GRID2: variants seen among roughly 807,000 people sequenced by gnomAD.
GRID2 encodes the protein glutamate ionotropic receptor delta type subunit 2.
Under a neutral mutation model 114.8 loss-of-function variants are expected in GRID2, and 33 were observed. The observed-to-expected ratio is 0.29, with a 90% CI of 0.22 to 0.38. The LOEUF is 0.38. Among genes scored for constraint, GRID2 ranks in the 10% least tolerant of loss-of-function variants. The probability of loss-of-function intolerance (pLI) is 1.00; values close to 1 mark genes in which losing one functional copy is unlikely to be tolerated. For missense variants in GRID2, 1,184 were observed against 1,257.7 expected (o/e 0.94, Z 0.89); for synonymous variants, 505 against 449.9 (o/e 1.12, Z -1.55).
At chr4:93,736,345 T>TA (rs5860344) in intron 14 of GRID2, among the ~76,000 whole-genome samples, 18,962 of 152,068 alleles carry the variant, frequency 0.12, 1,520 homozygotes, top group East Asian at 0.4. Context: ...ATCATACTTG[T>TA]AACAACCCCA....
chr4:93,566,725 G>A (rs1257847192), intron 13 of GRID2, among the ~76,000 whole-genome samples: 1 of 151,880 alleles, frequency 6.6e-6, no homozygotes, highest in Non-Finnish European at 1.5e-5. Flanking sequence ...AGCCAAGCTT[G>A]CCCCTCTGCC....
intron 2 of GRID2, among the ~76,000 whole-genome samples, chr4:92,596,869 A>T (rs951381735): frequency 6.6e-6 from 1 of 152,080 alleles, no homozygotes; most frequent in African/African-American, 2.4e-5. Flanking sequence ...AATGGGAGAT[A>T]ACCAAAAAAC....
At chr4:93,722,884 T>G (rs1451363672) in intron 14 of GRID2, among the ~76,000 whole-genome samples, 3 of 152,252 alleles carry the variant, frequency 2.0e-5, no homozygotes, top group Non-Finnish European at 4.4e-5. Context: ...TCAATGTCTC[T>G]TCATTGCCTT....
intron 14 of GRID2, among the ~76,000 whole-genome samples, chr4:93,676,890 C>T (rs546557697): frequency 4.6e-5 from 7 of 152,090 alleles, no homozygotes; most frequent in African/African-American, 9.6e-5. Context: ...TCTGAGGTAC[C>T]GGGTTCATCT....
intron 2 of GRID2, among the ~76,000 whole-genome samples, chr4:92,895,571 C>T (rs1017274299): frequency 6.6e-6 from 1 of 151,586 alleles, no homozygotes; most frequent in Admixed American, 6.6e-5. Flanking sequence ...TACATCTTCA[C>T]AATTTGAGTT....
intron 8 of GRID2, among the ~76,000 whole-genome samples, chr4:93,314,450 A>G (rs555114182): frequency 6.6e-6 from 1 of 151,882 alleles, no homozygotes; most frequent in East Asian, 1.9e-4. Context: ...TTCCTGGATC[A>G]CTCTACTGCA....
chr4:92,415,764 A>G (rs974062609), intron 1 of GRID2, among the ~76,000 whole-genome samples: 13 of 136,522 alleles, frequency 9.5e-5, no homozygotes, highest in African/African-American at 3.0e-4. Context: ...ATATATATAT[A>G]TATATATATA....
chr4:93,330,809 T>C (rs1365741121), intron 8 of GRID2, among the ~76,000 whole-genome samples: 1 of 152,082 alleles, frequency 6.6e-6, no homozygotes, highest in Non-Finnish European at 1.5e-5. Flanking sequence ...TTCAAGTATA[T>C]TTCTTCTCAA....
intron 1 of GRID2, among the ~76,000 whole-genome samples, chr4:92,535,963 T>C (rs1235502854): frequency 6.6e-6 from 1 of 152,094 alleles, no homozygotes; most frequent in Non-Finnish European, 1.5e-5. Context: ...TCAGGAGAGA[T>C]GGTGCAGACC....
intron 11 of GRID2, among the ~76,000 whole-genome samples, chr4:93,489,970 G>T (rs1726823076): frequency 6.6e-6 from 1 of 151,914 alleles, no homozygotes; most frequent in African/African-American, 2.4e-5. Context: ...AAAGTATACT[G>T]TAGATCATAG....
chr4:92,727,625 TTGTGA>T (rs1486120663), intron 2 of GRID2, among the ~76,000 whole-genome samples: 7 of 152,232 alleles, frequency 4.6e-5, no homozygotes, highest in Admixed American at 2.0e-4. Flanking sequence ...ATTAATGATA[TTGTGA>T]TGTGTGTACT....
In GRID2 at chr4:92,644,890, G is replaced by A. The variant is rs527792285; in HGVS notation, c.244+54604G>A. ...TTTATGATTTATGTGCAACAGATAT[G>A]TTATGTAATTATTTCCCTTTATCTC... On this transcript the variant is annotated intron_variant, in intron 2 of 15. Transcript: ENST00000282020. Among the ~76,000 whole-genome samples, 48 of 151,108 alleles carry A rather than the reference G, an allele frequency of 3.2e-4. No individual in the cohort carries two copies. The South Asian group carries it at 3.3e-3, about 10-fold the overall frequency.
chr4:92,894,540 A>G (rs533973580), intron 2 of GRID2, among the ~76,000 whole-genome samples: 3 of 152,256 alleles, frequency 2.0e-5, no homozygotes, highest in African/African-American at 7.2e-5. Context: ...CAAATGGAGA[A>G]TATTGGTGAT....
intron 2 of GRID2, among the ~76,000 whole-genome samples, chr4:92,926,098 TA>T (rs971444003): frequency 1.3e-5 from 2 of 151,924 alleles, no homozygotes; most frequent in Admixed American, 6.6e-5. Context: ...TGATTGTTAT[TA>T]AAAGCCTTTA....
At chr4:93,222,454 T>A (rs1046383178) in intron 6 of GRID2, among the ~76,000 whole-genome samples, 4 of 150,708 alleles carry the variant, frequency 2.7e-5, no homozygotes, top group South Asian at 4.2e-4. Context: ...ATCTTTTTTT[T>A]AAATATATAT....
chr4:93,685,569 C>T (rs970188761), intron 14 of GRID2, among the ~76,000 whole-genome samples: 36 of 152,056 alleles, frequency 2.4e-4, no homozygotes, highest in African/African-American at 8.7e-4. Context: ...AATGTCTGAC[C>T]TATAGTAGGT....
rs760605020 is a variant in GRID2, at chr4:92,688,037, CTTTTTTT to C, written c.244+97774_244+97780del. Among the ~76,000 whole-genome samples the C allele has an allele frequency of 4.5e-3, 202 of 44,676 alleles. 10 individuals are homozygous for C. Among genetic ancestry groups the C allele is most frequent in the Middle Eastern group, 0.021 (1 of 48 alleles). The allele number at this position is 44,676 out of a possible 152,430, so 29.3% of individuals were successfully genotyped here. A position where few individuals can be genotyped will look rare whatever the true frequency, so the allele number is the denominator to read the frequency against. ...GCCACATTGGTTGACCCTTCTTCTT[CTTTTTTT>C]TTTTTTTTTTTTTTTTTTTTTTGGG... On this transcript the variant is annotated intron_variant, in intron 2 of 15. Transcript: ENST00000282020.
At chr4:92,626,753 C>T in intron 2 of GRID2, among the ~76,000 whole-genome samples, 1 of 152,000 alleles carries the variant, frequency 6.6e-6, no homozygotes, top group East Asian at 1.9e-4. Context: ...GATACCACAA[C>T]ATAAGCAAAA....
In GRID2 at chr4:93,042,264, T is replaced by G. The variant is rs866944905; in HGVS notation, c.245-42731T>G. The stretch of plus-strand genomic sequence containing the variant: ...TATTTTAAATCTCTCTCTCTCTCTC[T>G]CTCTCTCTCTTTCTCTCTCTCTCTC... On this transcript the variant is annotated intron_variant, in intron 2 of 15. Transcript: ENST00000282020. Among the ~76,000 whole-genome samples, 18 of 99,152 alleles carry G rather than the reference T, an allele frequency of 1.8e-4. 1 individual carries two copies. Among genetic ancestry groups the G allele is most frequent in the African/African-American group, 7.0e-4 (17 of 24,268 alleles). The allele number at this position is 99,152 out of a possible 152,430, so 65.0% of individuals were successfully genotyped here. A position where few individuals can be genotyped will look rare whatever the true frequency, so the allele number is the denominator to read the frequency against.
Sources: allele counts gnomAD v4.1 joint callset (sites outside exome capture counted in the v4.1 genomes callset), GRCh38; gene constraint gnomAD v4.1.1; transcripts MANE v1.5; gene names NCBI Gene and HGNC (gene_info 2026-07-23, HGNC 2026-07-21).